Variants in ARHGAP32 observed in about 807,000 individuals in gnomAD.
ARHGAP32 encodes Rho GTPase activating protein 32.
A neutral mutation model predicts 186.5 loss-of-function variants in ARHGAP32; 51 were observed. The observed-to-expected ratio is 0.27, with a 90% CI of 0.22 to 0.35. The LOEUF (loss-of-function observed/expected upper bound fraction) is 0.35, where lower values mean the gene tolerates loss of function less well. Among genes scored for constraint, ARHGAP32 ranks in the 10% least tolerant of loss-of-function variants. The pLI, the probability that ARHGAP32 is intolerant of heterozygous loss-of-function variation, is 1.00. For missense variants in ARHGAP32, 2,186 were observed against 2,623.5 expected, an observed-to-expected ratio of 0.83 and a Z score of 3.64; for synonymous variants, 950 against 964.3, an observed-to-expected ratio of 0.99 and a Z score of 0.27.
intron 5 of ARHGAP32, among the ~76,000 whole-genome samples, chr11:129,100,437 G>C (rs755576600): frequency 6.6e-6 from 1 of 152,090 alleles, no homozygotes; most frequent in Non-Finnish European, 1.5e-5. Flanking sequence ...GCTGCAGAGG[G>C]GTGGCATCTA....
At chr11:129,147,185 G>A (rs942265371) in intron 2 of ARHGAP32, among the ~76,000 whole-genome samples, 6 of 151,948 alleles carry the variant, frequency 3.9e-5, no homozygotes, top group African/African-American at 1.4e-4. Context: ...TACACATAAA[G>A]AAATTAATAA....
intron 1 of ARHGAP32, among the ~76,000 whole-genome samples, chr11:129,246,171 G>A (rs907912296): frequency 2.0e-4 from 31 of 152,296 alleles, no homozygotes; most frequent in Non-Finnish European, 4.0e-4. Flanking sequence ...TGAGCTTGGG[G>A]AAATTGGTTC....
chr11:129,007,629 C>T (rs565191531), intron 11 of ARHGAP32, among the ~76,000 whole-genome samples: 26 of 152,194 alleles, frequency 1.7e-4, no homozygotes, highest in African/African-American at 6.3e-4. Context: ...TTCTTCTCTT[C>T]CCAAGCAGAA....
chr11:129,035,852 A>T (rs1427795393), intron 11 of ARHGAP32, among the ~76,000 whole-genome samples: 3 of 152,050 alleles, frequency 2.0e-5, no homozygotes, highest in Non-Finnish European at 4.4e-5. Context: ...AAAAAAAGAA[A>T]AAAAAAGCAC....
intron 2 of ARHGAP32, among the ~76,000 whole-genome samples, chr11:129,157,284 G>A (rs1399817990): frequency 6.6e-6 from 1 of 152,018 alleles, no homozygotes; most frequent in Non-Finnish European, 1.5e-5. Context: ...ACTCCTCCAG[G>A]CTAAAGGAGC....
rs150776153 is a variant in ARHGAP32, at chr11:129,130,548, C to CA, written c.226-5655dup. The stretch of plus-strand genomic sequence containing the variant: ...ACTAATAATCCAATTTTTAAACTTG[C>CA]AAAAAAAAAACCTCAACAGTTATTT... On this transcript the variant is annotated intron_variant, in intron 2 of 22. Coordinates refer to ENST00000682385, the MANE Select transcript of ARHGAP32 (RefSeq NM_001378024.1). Among the ~76,000 whole-genome samples, 80 of 145,280 alleles carry CA rather than the reference C, an allele frequency of 5.5e-4. 2 individuals are homozygous for CA. In the South Asian group the frequency reaches 8.3e-3, roughly 15 times the overall value.
Position 129,249,755 on chromosome 11 carries a change from C to T in ARHGAP32, c.-5+29391G>A, listed in dbSNP as rs148742283. Among the ~76,000 whole-genome samples, 179 of 151,896 alleles carry T rather than the reference C, an allele frequency of 1.2e-3. 3 individuals carry two copies. Among genetic ancestry groups the T allele is most frequent in the African/African-American group, 4.1e-3 (168 of 41,420 alleles). ...ACAGAAACATTTGATATCCACCACA[C>T]CTTAATTTAGTCCTTTAAAAAAGTT... On this transcript the variant is annotated intron_variant, in intron 1 of 6. Transcript: ENST00000525234.
At chr11:129,132,289 G>A (rs931522969) in intron 2 of ARHGAP32, among the ~76,000 whole-genome samples, 3 of 152,086 alleles carry the variant, frequency 2.0e-5, no homozygotes, top group African/African-American at 7.2e-5. Context: ...GGCCAGCCTG[G>A]GCAACAGAGG....
chr11:129,082,795 G>C (rs910038987), intron 6 of ARHGAP32, among the ~76,000 whole-genome samples: 30 of 151,758 alleles, frequency 2.0e-4, no homozygotes, highest in African/African-American at 6.3e-4. Flanking sequence ...ACAACCCACA[G>C]AGTGAGACAA....
At chr11:129,011,441 T>C (rs1938074687) in intron 11 of ARHGAP32, among the ~76,000 whole-genome samples, 1 of 152,174 alleles carries the variant, frequency 6.6e-6, no homozygotes, top group South Asian at 2.1e-4. Context: ...GACGTATTAG[T>C]GACTTGAAAG....
chr11:129,262,034 T>C (rs1314445248), intron 1 of ARHGAP32, among the ~76,000 whole-genome samples: 1 of 152,166 alleles, frequency 6.6e-6, no homozygotes, highest in Non-Finnish European at 1.5e-5. Context: ...ATGTCTGCCT[T>C]TTAAAACACA....
chr11:129,157,073 A>G (rs1943425990), intron 2 of ARHGAP32, among the ~76,000 whole-genome samples: 2 of 152,290 alleles, frequency 1.3e-5, no homozygotes, highest in Middle Eastern at 6.8e-3. Flanking sequence ...CCCCATCCAA[A>G]GTTACCAACA....
At chr11:129,069,924 C>A (rs997471900) in intron 6 of ARHGAP32, among the ~76,000 whole-genome samples, 1 of 151,870 alleles carries the variant, frequency 6.6e-6, no homozygotes, top group Non-Finnish European at 1.5e-5. Context: ...TGCTTCTAAT[C>A]CTTTTTCAGC....
chr11:129,251,792 G>A (rs1446750391), intron 1 of ARHGAP32, among the ~76,000 whole-genome samples: 1 of 151,726 alleles, frequency 6.6e-6, no homozygotes, highest in African/African-American at 2.4e-5. Context: ...AAATCAGCTG[G>A]GTGTGGCGAG....
In ARHGAP32 at chr11:128,974,924, A is replaced by C; in HGVS notation, c.2273T>G (p.Leu758Arg). The part of the protein sequence containing the change: ...ALSASFNGEM[L>R]GNRCNSYDNL... ...ATCATAGGAGTTACAGCGGTTCCCCAGCATTTCTCCATTAAAAGAGGCAGA... is the reference window on the plus strand; with the variant it reads ...ATCATAGGAGTTACAGCGGTTCCCCCGCATTTCTCCATTAAAAGAGGCAGA... The change falls in exon 21 of 23, where the codon CTG becomes CGG. Residue 758 changes from leucine (L) to arginine (R), a missense_variant. By Grantham distance (102) the Leu-to-Arg change is moderately radical (BLOSUM62 -2). Coordinates refer to ENST00000682385, the MANE Select transcript of ARHGAP32 (RefSeq NM_001378024.1). 1 of 1,614,164 alleles carries C rather than the reference A, an allele frequency of 6.2e-7. No individual in the cohort carries two copies. Among genetic ancestry groups the C allele is most frequent in the South Asian group, 1.1e-5 (1 of 91,064 alleles).
At chr11:128,990,467 T>A (rs1946015727) in intron 12 of ARHGAP32, among the ~76,000 whole-genome samples, 1 of 152,176 alleles carries the variant, frequency 6.6e-6, no homozygotes, top group Non-Finnish European at 1.5e-5. Flanking sequence ...ATGGTCATTA[T>A]CTGGTCAAGT....
chr11:129,129,579 T>C (rs1942763678), intron 2 of ARHGAP32, among the ~76,000 whole-genome samples: 1 of 152,198 alleles, frequency 6.6e-6, no homozygotes, highest in Admixed American at 6.5e-5. Context: ...GACGGCGGTT[T>C]TGTCAAATAG....
chr11:129,128,185 T>C (rs594001), intron 2 of ARHGAP32, among the ~76,000 whole-genome samples: 19,595 of 152,224 alleles, frequency 0.13, 1,392 homozygotes, highest in Non-Finnish European at 0.15. Flanking sequence ...TTTCCTTCAT[T>C]AATCTTTCAA....
In ARHGAP32 at chr11:129,179,726, T is replaced by C. The variant is rs942626184; in HGVS notation, c.116+12357A>G. On this transcript the variant is annotated intron_variant, in intron 1 of 22. Coordinates refer to ENST00000682385, the MANE Select transcript of ARHGAP32 (RefSeq NM_001378024.1). ...ACCAAACACCGCACATTCTCACTCA[T>C]AGGTGGGAACTGAACAATGAGAACA... 3.3e-5 allele frequency among the ~76,000 whole-genome samples: 5 copies of C among 150,044 alleles called. No individual in the cohort carries two copies. The South Asian group carries it at 6.3e-4, about 19-fold the overall frequency.
Sources: allele counts gnomAD v4.1 joint callset (sites outside exome capture counted in the v4.1 genomes callset), GRCh38; gene constraint gnomAD v4.1.1; transcripts MANE v1.5; gene names NCBI Gene and HGNC (gene_info 2026-07-23, HGNC 2026-07-21).